The following UQCR11 variants were observed in gnomAD, a reference collection of about 807,000 sequenced individuals.
UQCR11 encodes the protein ubiquinol-cytochrome c reductase, complex III subunit XI, also known as cytochrome b-c1 complex subunit 10.
A neutral mutation model predicts 7.6 loss-of-function variants in UQCR11; 10 were observed. The ratio of observed to expected loss-of-function variants is 1.31; its 90% CI spans 0.81 to 2.22. UQCR11 has a LOEUF of 2.22. Among genes scored for constraint, UQCR11 ranks in the 30% most tolerant of loss-of-function variants. The probability of loss-of-function intolerance (pLI) is 0.00; values close to 1 mark genes in which losing one functional copy is unlikely to be tolerated. For missense variants in UQCR11, 86 were observed against 75.1 expected, an observed-to-expected ratio of 1.15 and a Z score of -0.54; for synonymous variants, 34 against 34.9, an observed-to-expected ratio of 0.97 and a Z score of 0.09.
intron 1 of UQCR11, among the ~76,000 whole-genome samples, chr19:1,604,050 A>G (rs745326512): frequency 1.1e-4 from 17 of 152,074 alleles, no homozygotes; most frequent in Non-Finnish European, 2.2e-4. Context: ...GGTTTGAGCG[A>G]TTCTCCTGCC....
At chr19:1,604,709 G>C (rs1000100831) in intron 1 of UQCR11, among the ~76,000 whole-genome samples, 5 of 151,756 alleles carry the variant, frequency 3.3e-5, no homozygotes, top group Admixed American at 3.3e-4. Context: ...TGCATTTTTA[G>C]TAGAGACGCG....
intron 1 of UQCR11, among the ~76,000 whole-genome samples, chr19:1,602,747 C>T (rs1206001876): frequency 6.6e-6 from 1 of 152,172 alleles, no homozygotes; most frequent in Non-Finnish European, 1.5e-5. Flanking sequence ...CCACTGCGCC[C>T]AGCCCTGGGT....
At chr19:1,605,307 C>A in intron 1 of UQCR11, 53 bp downstream of exon 1, 1 of 1,520,128 alleles carries the variant, frequency 6.6e-7, no homozygotes, top group African/African-American at 1.5e-5. Flanking sequence ...CGCAGCGGCG[C>A]GGGGCTGGGC....
chr19:1,601,383 A>G (rs2145620926), intron 1 of UQCR11, among the ~76,000 whole-genome samples: 1 of 152,186 alleles, frequency 6.6e-6, no homozygotes. Flanking sequence ...TGGGCGGATC[A>G]TGAGGTCAGG....
intron 1 of UQCR11, among the ~76,000 whole-genome samples, chr19:1,605,094 G>T (rs554443133): frequency 6.6e-6 from 1 of 152,256 alleles, no homozygotes; most frequent in African/African-American, 2.4e-5. Flanking sequence ...GGATCCCCCG[G>T]TAGAGATGGG....
intron 1 of UQCR11, among the ~76,000 whole-genome samples, chr19:1,604,513 G>A (rs916628559): frequency 6.6e-6 from 1 of 151,986 alleles, no homozygotes; most frequent in African/African-American, 2.4e-5. Context: ...ACCCGGCTAA[G>A]ACCTTGCTGC....
chr19:1,602,612 C>T (rs1462282298), intron 1 of UQCR11, among the ~76,000 whole-genome samples: 1 of 152,034 alleles, frequency 6.6e-6, no homozygotes, highest in Non-Finnish European at 1.5e-5. Context: ...CTACCGCGCC[C>T]GACTAATTTT....
At chr19:1,598,625 C>T (rs571342812) in intron 2 of UQCR11, among the ~76,000 whole-genome samples, 5 of 152,066 alleles carry the variant, frequency 3.3e-5, no homozygotes, top group African/African-American at 4.8e-5. Context: ...GCACAAGAAT[C>T]GCTTGAACCT....
chr19:1,604,902 T>C (rs1165117670), intron 1 of UQCR11, among the ~76,000 whole-genome samples: 1 of 152,252 alleles, frequency 6.6e-6, no homozygotes, highest in Non-Finnish European at 1.5e-5. Context: ...CCGGCTTCTA[T>C]GGGGGCCACC....
At chr19:1,600,314 A>C (rs1229178741) in intron 1 of UQCR11, among the ~76,000 whole-genome samples, 1 of 151,362 alleles carries the variant, frequency 6.6e-6, no homozygotes, top group Non-Finnish European at 1.5e-5. Flanking sequence ...CCCGGGTTCA[A>C]GCAATTCTCC....
intron 1 of UQCR11, among the ~76,000 whole-genome samples, chr19:1,602,882 C>T (rs1464111529): frequency 6.6e-6 from 1 of 152,202 alleles, no homozygotes; most frequent in East Asian, 1.9e-4. Context: ...GCCCACAAAA[C>T]CTGATTTCCA....
intron 1 of UQCR11, among the ~76,000 whole-genome samples, chr19:1,600,460 G>A (rs565461843): frequency 3.0e-4 from 46 of 152,194 alleles, no homozygotes; most frequent in Non-Finnish European, 5.6e-4. Context: ...TGATCCGCCC[G>A]CCTCGGCCTC....
In UQCR11 at chr19:1,599,682, C is replaced by A. The variant is rs577704719; in HGVS notation, c.51-122G>T. The A allele has an allele frequency of 4.2e-6, 6 of 1,429,180 alleles. No individual in the cohort carries two copies. In the African/African-American group the frequency reaches 7.1e-5, roughly 17 times the overall value. The allele number at this position is 1,429,180 out of a possible 1,614,324, so 88.5% of individuals were successfully genotyped here. A position where few individuals can be genotyped will look rare whatever the true frequency, so the allele number is the denominator to read the frequency against. On this transcript the variant is annotated intron_variant, in intron 1 of 2. Transcript: ENST00000591899. ...GAGGTGCGGGCCTGGCACCTGTGCC[C>A]GCCCAGTGCTGTGAGCCCTGAGGGC... is the stretch of plus-strand genomic sequence containing the variant.
At position 1,605,435 on chromosome 19, in the gene UQCR11, G is replaced by T; in HGVS notation, c.-26C>A. 1.4e-6 allele frequency: 2 copies of T among 1,409,080 alleles called. No homozygotes were observed. The highest frequency in any genetic ancestry group is 2.3e-5 in the Admixed American group (1 of 43,062). 87.3% of individuals were successfully genotyped at this position (1,409,080 alleles called of 1,614,324 possible). ...CGCGGCGGAGTCGCACCCTCAGGATGACCCTGTCCAGCTGACCCGGCTACA... is the reference window on the plus strand; with the variant it reads ...CGCGGCGGAGTCGCACCCTCAGGATTACCCTGTCCAGCTGACCCGGCTACA... On this transcript the variant is annotated 5_prime_UTR_variant, in exon 1 of 3. Coordinates refer to ENST00000591899, the MANE Select transcript of UQCR11 (RefSeq NM_006830.4).
At chr19:1,605,244 A>AGGGACCT (rs2060758576) in intron 1 of UQCR11, 116 bp downstream of exon 1, 1 of 1,247,574 alleles carries the variant, frequency 8.0e-7, no homozygotes, top group East Asian at 3.1e-5. Flanking sequence ...GGGAACAACA[A>AGGGACCT]GGGACCTGGG....
At chr19:1,600,024 G>T (rs1051952520) in intron 1 of UQCR11, among the ~76,000 whole-genome samples, 1 of 152,218 alleles carries the variant, frequency 6.6e-6, no homozygotes, top group Non-Finnish European at 1.5e-5. Flanking sequence ...GAGGCCTCCG[G>T]TTCCAAGCTC....
Position 1,605,376 on chromosome 19 carries a change from C to T in UQCR11, c.34G>A (p.Glu12Lys). The T allele has an allele frequency of 1.3e-6, 2 of 1,580,192 alleles. No homozygotes were observed. Among genetic ancestry groups the T allele is most frequent in the Non-Finnish European group, 8.6e-7 (1 of 1,167,772 alleles). The change falls in exon 1 of 3, where the codon GAG (glutamate) becomes AAG (lysine). Residue 12 changes from glutamate to lysine, a missense_variant. Physicochemically the swap from Glu to Lys is moderately conservative, Grantham distance 56 (BLOSUM62 1). Transcript: ENST00000591899. Reference protein sequence around the residue: ...VTRFLGPRYRELVKNWVPTAY... With the variant: ...VTRFLGPRYRKLVKNWVPTAY... Reference sequence around the variant, plus strand: ...CGTCCTCACCAGTTCTTGACCAGCTCCCGGTAGCGTGGGCCCAGGAACCGG... The same window carrying T: ...CGTCCTCACCAGTTCTTGACCAGCTTCCGGTAGCGTGGGCCCAGGAACCGG...
chr19:1,599,649 T>A (rs1469521885), intron 1 of UQCR11, 89 bp from the exon 2 acceptor site: 1 of 1,543,878 alleles, frequency 6.5e-7, no homozygotes, highest in Non-Finnish European at 8.7e-7. Context: ...TCCTGAGCGG[T>A]GATGGCTGAG....
intron 2 of UQCR11, among the ~76,000 whole-genome samples, chr19:1,598,572 G>A (rs534701746): frequency 3.9e-5 from 6 of 152,184 alleles, no homozygotes; most frequent in African/African-American, 1.4e-4. Context: ...TTAGCTGCGT[G>A]TAGTGGTGGG....
Sources: allele counts gnomAD v4.1 joint callset (sites outside exome capture counted in the v4.1 genomes callset), GRCh38; gene constraint gnomAD v4.1.1; transcripts MANE v1.5; gene names NCBI Gene and HGNC (gene_info 2026-07-23, HGNC 2026-07-21).